MBNL2: variants seen among roughly 807,000 people sequenced by gnomAD.
MBNL2 encodes the protein muscleblind like splicing regulator 2.
In MBNL2, 17 loss-of-function variants were observed where a neutral mutation model predicts 41.9. The ratio of observed to expected loss-of-function variants is 0.41; its 90% CI spans 0.28 to 0.61. The LOEUF (loss-of-function observed/expected upper bound fraction) is 0.61, where lower values mean the gene tolerates loss of function less well. MBNL2 is among the 20% of genes least tolerant of loss of function. The pLI, the probability that MBNL2 is intolerant of heterozygous loss-of-function variation, is 0.35. For synonymous variants in MBNL2, 195 were observed against 182.9 expected, an observed-to-expected ratio of 1.07 and a Z score of -0.53; for missense variants, 336 against 505.6, an observed-to-expected ratio of 0.66 and a Z score of 3.22.
At chr13:97,221,169 T>C (rs933150747), upstream of MBNL2, among the ~76,000 whole-genome samples, 2 of 152,242 alleles carry the variant, frequency 1.3e-5, no homozygotes, top group African/African-American at 4.8e-5. Flanking sequence ...GAACAGTTGC[T>C]TATAAAAATC....
At chr13:97,190,899 C>G in the MBNL2 span, among the ~76,000 whole-genome samples, 46 of 152,258 alleles carry the variant, frequency 3.0e-4, no homozygotes, top group East Asian at 8.7e-3. Context: ...CTCTTGAAAC[C>G]TATCATCTGT....
chr13:97,359,328 C>G (rs998837626), intron 7 of MBNL2, among the ~76,000 whole-genome samples: 3 of 151,770 alleles, frequency 2.0e-5, no homozygotes, highest in African/African-American at 7.3e-5. Context: ...AAAGGAGAAG[C>G]CTGTTTCTGA....
At chr13:97,272,129 G>A (rs2051165872) in intron 1 of MBNL2, among the ~76,000 whole-genome samples, 1 of 152,142 alleles carries the variant, frequency 6.6e-6, no homozygotes, top group Admixed American at 6.5e-5. Flanking sequence ...TGACTGGCAT[G>A]AGATGGTATC....
At chr13:97,229,558 A>C (rs2042105774) in intron 1 of MBNL2, among the ~76,000 whole-genome samples, 2 of 152,166 alleles carry the variant, frequency 1.3e-5, no homozygotes, top group Non-Finnish European at 2.9e-5. Context: ...CTAAAAAAAA[A>C]CATTCTGATA....
intron 3 of MBNL2, among the ~76,000 whole-genome samples, chr13:97,337,091 G>A (rs1265388757): frequency 6.6e-6 from 1 of 152,118 alleles, no homozygotes; most frequent in Non-Finnish European, 1.5e-5. Context: ...GGCCTATGGG[G>A]AGGCGACTAG....
intron 2 of MBNL2, among the ~76,000 whole-genome samples, chr13:97,327,882 ATT>A (rs1243748548): frequency 6.6e-6 from 1 of 152,188 alleles, no homozygotes; most frequent in East Asian, 1.9e-4. Flanking sequence ...AATACCATAT[ATT>A]TTTACCTACT....
chr13:97,306,529 A>G (rs1010941330), intron 2 of MBNL2, among the ~76,000 whole-genome samples: 1 of 152,214 alleles, frequency 6.6e-6, no homozygotes. Context: ...GACATAAATG[A>G]CACCTCTTAC....
chr13:97,190,078 G>A, the MBNL2 span, among the ~76,000 whole-genome samples: 2 of 152,216 alleles, frequency 1.3e-5, no homozygotes, highest in African/African-American at 4.8e-5. Flanking sequence ...GCCACCTGCC[G>A]CAGTGGACCC....
At chr13:97,374,860 A>C (rs2064815210) in intron 8 of MBNL2, among the ~76,000 whole-genome samples, 1 of 152,132 alleles carries the variant, frequency 6.6e-6, no homozygotes, top group East Asian at 1.9e-4. Context: ...ATGGGTGTTT[A>C]TTTCCAGCTC....
the MBNL2 span, among the ~76,000 whole-genome samples, chr13:97,152,305 G>T: frequency 6.6e-6 from 1 of 152,048 alleles, no homozygotes; most frequent in Non-Finnish European, 1.5e-5. Flanking sequence ...TTAAAATGTG[G>T]TGTTAATCCA....
intron 8 of MBNL2, among the ~76,000 whole-genome samples, chr13:97,373,627 A>ATATATTG (rs1355602435): frequency 8.9e-6 from 1 of 112,208 alleles, no homozygotes; most frequent in Admixed American, 8.6e-5. Flanking sequence ...TATATATATT[A>ATATATTG]AGGGTAGGAG....
Position 97,295,647 on chromosome 13 carries a change from C to T in MBNL2, c.174+19238C>T, listed in dbSNP as rs554254363. On this transcript the variant is annotated intron_variant, in intron 2 of 8. Transcript: ENST00000679496. Reference sequence around the variant, plus strand: ...ACCCTACCCAGCTGGCAAGCTTAGCCATAATGATCACAATAGAAATAGATG... The same window carrying T: ...ACCCTACCCAGCTGGCAAGCTTAGCTATAATGATCACAATAGAAATAGATG... Among the ~76,000 whole-genome samples, 9 of 152,204 alleles carry T rather than the reference C, an allele frequency of 5.9e-5. No homozygotes were observed. The East Asian group carries it at 1.5e-3, about 26-fold the overall frequency.
At position 97,346,240 on chromosome 13, in the gene MBNL2, AATAGATGG is replaced by A. The variant is rs777693171; in HGVS notation, c.541-561_541-554del. Reference sequence around the variant, plus strand: ...TAAAAATAATGATAGATTAACAGATAATAGATGGATGGATGGATGGATGGATGGATGGA... The same window carrying A: ...TAAAAATAATGATAGATTAACAGATAATGGATGGATGGATGGATGGATGGA... On this transcript the variant is annotated intron_variant, in intron 4 of 8. Coordinates refer to ENST00000679496, the MANE Select transcript of MBNL2 (RefSeq NM_001382683.1). The surrounding 1 kb of genome is among the most constrained non-coding windows in gnomAD (Gnocchi z 4.2). 1.0e-4 allele frequency among the ~76,000 whole-genome samples: 12 copies of A among 115,716 alleles called. No homozygotes were observed. Among genetic ancestry groups the A allele is most frequent in the African/African-American group, 2.3e-4 (4 of 17,556 alleles). 75.9% of individuals were successfully genotyped at this position (115,716 alleles called of 152,430 possible). A position where few individuals can be genotyped will look rare whatever the true frequency, so the allele number is the denominator to read the frequency against.
the MBNL2 span, among the ~76,000 whole-genome samples, chr13:97,145,281 C>G: frequency 6.6e-6 from 1 of 152,046 alleles, no homozygotes; most frequent in Admixed American, 6.6e-5. Context: ...CCAGGCCTGA[C>G]TGATCCTGAA....
At chr13:97,218,050 G>T (rs1466944181), upstream of MBNL2, among the ~76,000 whole-genome samples, 1 of 152,158 alleles carries the variant, frequency 6.6e-6, no homozygotes, top group Non-Finnish European at 1.5e-5. Flanking sequence ...AATGGGAAAT[G>T]ATCAAATAAA....
At chr13:97,310,782 CT>C (rs11345201) in intron 2 of MBNL2, among the ~76,000 whole-genome samples, 85,066 of 135,996 alleles carry the variant, frequency 0.63, 28,762 homozygotes, top group East Asian at 0.79. Context: ...AATTCAGCAT[CT>C]TTTTTTTTTT....
At chr13:97,235,575 A>AT (rs900164661) in intron 1 of MBNL2, among the ~76,000 whole-genome samples, 29 of 152,156 alleles carry the variant, frequency 1.9e-4, no homozygotes, top group Admixed American at 1.6e-3. Flanking sequence ...GTGGCTGTGG[A>AT]TTTTTATTTG....
chr13:97,313,797 CCTGGG>C (rs2058806641), intron 2 of MBNL2, among the ~76,000 whole-genome samples: 1 of 152,194 alleles, frequency 6.6e-6, no homozygotes, highest in African/African-American at 2.4e-5. Flanking sequence ...GCCCACTACA[CCTGGG>C]CTTCTTACAT....
At chr13:97,235,798 TC>T (rs1316009995) in intron 1 of MBNL2, among the ~76,000 whole-genome samples, 1 of 151,922 alleles carries the variant, frequency 6.6e-6, no homozygotes, top group African/African-American at 2.4e-5. Flanking sequence ...GGAGTGAGGT[TC>T]CCGCTACAGT....
Sources: gnomAD v4.1 joint callset for allele counts (sites outside exome capture counted in the v4.1 genomes callset) on GRCh38, gnomAD v4.1.1 for gene constraint, Gnocchi (gnomAD v3.1) non-coding constraint, MANE v1.5 for transcripts, NCBI Gene and HGNC (gene_info 2026-07-23, HGNC 2026-07-21) for gene names.